NARS2: variants seen among roughly 807,000 people sequenced by gnomAD.
NARS2 encodes the protein asparaginyl-tRNA synthetase.
A neutral mutation model predicts 62.9 loss-of-function variants in NARS2; 60 were observed. The observed-to-expected ratio is 0.95, with a 90% CI of 0.77 to 1.18. The LOEUF is 1.18. NARS2 is among the 50% of genes most tolerant of loss of function. The pLI is 0.00. For synonymous variants in NARS2, 196 were observed against 200.0 expected, an observed-to-expected ratio of 0.98 and a Z score of 0.17; for missense variants, 619 against 576.4, an observed-to-expected ratio of 1.07 and a Z score of -0.76.
chr11:78,540,676 A>G (rs139063782), intron 5 of NARS2, among the ~76,000 whole-genome samples: 5 of 152,350 alleles, frequency 3.3e-5, no homozygotes, highest in East Asian at 1.9e-4. Context: ...GTTTAAAATC[A>G]TAATGGCATG....
At chr11:78,507,551 G>A (rs1860551297) in intron 6 of NARS2, among the ~76,000 whole-genome samples, 1 of 132,574 alleles carries the variant, frequency 7.5e-6, no homozygotes. Flanking sequence ...ACACAGTCTT[G>A]CTCTGTTGCC....
chr11:78,486,259 C>T (rs573595896), intron 7 of NARS2, among the ~76,000 whole-genome samples: 43 of 152,102 alleles, frequency 2.8e-4, no homozygotes, highest in Non-Finnish European at 5.9e-5. Flanking sequence ...ATGGTGGCAA[C>T]TAAGACCTGG....
At chr11:78,564,095 T>A (rs1856660630) in intron 4 of NARS2, among the ~76,000 whole-genome samples, 1 of 151,692 alleles carries the variant, frequency 6.6e-6, no homozygotes, top group South Asian at 2.1e-4. Context: ...AGACAGGGTT[T>A]CACCGTGTTG....
intron 5 of NARS2, among the ~76,000 whole-genome samples, chr11:78,540,755 A>ATCT (rs1214124375): frequency 1.3e-5 from 2 of 152,236 alleles, no homozygotes; most frequent in African/African-American, 4.8e-5. Flanking sequence ...AGTACTCACC[A>ATCT]TCTGTAAGCT....
intron 6 of NARS2, among the ~76,000 whole-genome samples, chr11:78,494,074 G>A (rs1859949709): frequency 6.6e-6 from 1 of 152,196 alleles, no homozygotes; most frequent in African/African-American, 2.4e-5. Flanking sequence ...CCTGAAATGT[G>A]GAGGTGAGAG....
At chr11:78,442,283 A>C (rs976697001) in intron 12 of NARS2, among the ~76,000 whole-genome samples, 10 of 152,244 alleles carry the variant, frequency 6.6e-5, no homozygotes, top group Non-Finnish European at 4.4e-5. Flanking sequence ...TCAATTCCAC[A>C]ACTTTCTCAG....
intron 4 of NARS2, among the ~76,000 whole-genome samples, chr11:78,563,689 G>A (rs2135526361): frequency 6.7e-6 from 1 of 148,454 alleles, no homozygotes; most frequent in Admixed American, 6.7e-5. Flanking sequence ...AAATTAGCTG[G>A]GTGTGGTGGC....
intron 11 of NARS2, among the ~76,000 whole-genome samples, chr11:78,445,419 G>C (rs950389345): frequency 2.0e-5 from 3 of 152,122 alleles, no homozygotes; most frequent in African/African-American, 7.2e-5. Context: ...TCAGGAGTTC[G>C]AGACCAGCCT....
chr11:78,473,899 C>T (rs923999832), intron 9 of NARS2, among the ~76,000 whole-genome samples: 11 of 152,194 alleles, frequency 7.2e-5, no homozygotes, highest in Admixed American at 3.3e-4. Flanking sequence ...CATTCTGCTA[C>T]GTCTATTCTC....
intron 7 of NARS2, among the ~76,000 whole-genome samples, chr11:78,482,939 A>G (rs1859419361): frequency 1.3e-5 from 2 of 152,212 alleles, no homozygotes; most frequent in East Asian, 3.8e-4. Context: ...ACAACAAAAA[A>G]AGAAAATTTC....
intron 5 of NARS2, among the ~76,000 whole-genome samples, chr11:78,531,834 T>C (rs1861491457): frequency 6.6e-6 from 1 of 152,052 alleles, no homozygotes; most frequent in Non-Finnish European, 1.5e-5. Context: ...AATAGGTAAA[T>C]CCATAGAGAC....
At chr11:78,516,018 C>A (rs1402957277) in intron 6 of NARS2, among the ~76,000 whole-genome samples, 2 of 152,212 alleles carry the variant, frequency 1.3e-5, no homozygotes, top group Non-Finnish European at 1.5e-5. Context: ...TCAACCATTT[C>A]TCTGGGCCAT....
At chr11:78,449,257 T>G (rs1857878510) in intron 11 of NARS2, among the ~76,000 whole-genome samples, 1 of 148,862 alleles carries the variant, frequency 6.7e-6, no homozygotes. Flanking sequence ...TGCCTCAGCC[T>G]CCCGAGTAGC....
chr11:78,480,753 G>T (rs910597353), intron 7 of NARS2, among the ~76,000 whole-genome samples: 1 of 151,604 alleles, frequency 6.6e-6, no homozygotes, highest in African/African-American at 2.4e-5. Flanking sequence ...AATCTGAAGG[G>T]AATAAGCAGA....
At chr11:78,477,437 GA>G (rs796866336) in intron 9 of NARS2, among the ~76,000 whole-genome samples, 1 of 151,790 alleles carries the variant, frequency 6.6e-6, no homozygotes. Context: ...AGCTGTAGGA[GA>G]AAAAAAACCT....
intron 5 of NARS2, among the ~76,000 whole-genome samples, chr11:78,531,128 T>C (rs1010177583): frequency 6.7e-6 from 1 of 149,458 alleles, no homozygotes; most frequent in Non-Finnish European, 1.5e-5. Flanking sequence ...CACAGAAAAA[T>C]AAAAGAAAAA....
intron 7 of NARS2, among the ~76,000 whole-genome samples, chr11:78,485,589 T>C (rs1366416906): frequency 2.0e-5 from 3 of 152,176 alleles, no homozygotes; most frequent in Non-Finnish European, 4.4e-5. Context: ...TGTTGATCTG[T>C]TTAGTAGGCA....
At chr11:78,552,401 C>T (rs1016230908) in intron 5 of NARS2, among the ~76,000 whole-genome samples, 2 of 152,090 alleles carry the variant, frequency 1.3e-5, no homozygotes. Context: ...CACTGATGGG[C>T]ACTTAGGTTG....
chr11:78,532,354 T>C (rs1049759486), intron 5 of NARS2, among the ~76,000 whole-genome samples: 4 of 152,114 alleles, frequency 2.6e-5, no homozygotes, highest in Admixed American at 6.5e-5. Flanking sequence ...AGATTATGAA[T>C]GAAATATTTG....
Sources: allele counts gnomAD v4.1 joint callset (sites outside exome capture counted in the v4.1 genomes callset), GRCh38; gene constraint gnomAD v4.1.1; transcripts MANE v1.5; gene names NCBI Gene and HGNC (gene_info 2026-07-23, HGNC 2026-07-21).